Variants in ARMC12 observed in about 807,000 individuals in gnomAD.
ARMC12 encodes armadillo repeat-containing protein 12.
Under a neutral mutation model 37.4 loss-of-function variants are expected in ARMC12, and 25 were observed. That is an observed-to-expected ratio of 0.67 (90% confidence interval 0.49 to 0.93). ARMC12 has a LOEUF of 0.93. Ranked by LOEUF, ARMC12 falls within the 40% of genes least tolerant of loss-of-function variation. The probability of loss-of-function intolerance (pLI) is 0.00; values close to 1 mark genes in which losing one functional copy is unlikely to be tolerated. For synonymous variants in ARMC12, 167 were observed against 176.1 expected, an observed-to-expected ratio of 0.95 and a Z score of 0.41; for missense variants, 384 against 426.6, an observed-to-expected ratio of 0.90 and a Z score of 0.88.
At chr6:35,736,193 A>G (rs751533928), upstream of ARMC12, among the ~76,000 whole-genome samples, 26 of 152,358 alleles carry the variant, frequency 1.7e-4, no homozygotes, top group East Asian at 7.7e-4. Flanking sequence ...TCAAACAGGT[A>G]AACTTCAGGG....
intron 3 of ARMC12, among the ~76,000 whole-genome samples, chr6:35,738,839 A>G (rs1052491227): frequency 6.6e-6 from 1 of 152,142 alleles, no homozygotes; most frequent in African/African-American, 2.4e-5. Flanking sequence ...AATTCAATTC[A>G]GTTCAGACAC....
chr6:35,731,850 T>C, the ARMC12 span, among the ~76,000 whole-genome samples: 1 of 151,906 alleles, frequency 6.6e-6, no homozygotes, highest in Non-Finnish European at 1.5e-5. Flanking sequence ...TCGCTCCGCG[T>C]CCTAGGGGGC....
chr6:35,746,699 A>AAAAGGAGTGTGAGAGAAAG (rs1767347421), intron 3 of ARMC12, among the ~76,000 whole-genome samples: 1 of 152,106 alleles, frequency 6.6e-6, no homozygotes, highest in African/African-American at 2.4e-5. Flanking sequence ...GAAGGGTTGG[A>AAAAGGAGTGTGAGAGAAAG]AAAGGAGTGT....
chr6:35,736,384 G>T (rs1766961518), upstream of ARMC12, among the ~76,000 whole-genome samples: 1 of 152,180 alleles, frequency 6.6e-6, no homozygotes, highest in Admixed American at 6.5e-5. Flanking sequence ...GAAAGAAAAG[G>T]AACAGGGTTG....
intron 3 of ARMC12, among the ~76,000 whole-genome samples, chr6:35,740,364 C>T (rs867870251): frequency 1.3e-5 from 2 of 152,216 alleles, no homozygotes; most frequent in African/African-American, 4.8e-5. Flanking sequence ...TCCTGCCTCC[C>T]ACCCCTTCCT....
At chr6:35,746,072 T>TTAAAA (rs149757543) in intron 3 of ARMC12, among the ~76,000 whole-genome samples, 86,567 of 148,600 alleles carry the variant, frequency 0.58, 26,627 homozygotes, top group African/African-American at 0.8. Flanking sequence ...TAAAATTAAA[T>TTAAAA]TAAAAAACAA....
chr6:35,736,628 T>G (rs1322944243), upstream of ARMC12, among the ~76,000 whole-genome samples: 1 of 151,884 alleles, frequency 6.6e-6, no homozygotes, highest in Middle Eastern at 3.2e-3. Context: ...TTTTTTTTTT[T>G]GAAATGGAGT....
chr6:35,747,643 G>A lies in ARMC12; in HGVS notation c.686G>A (p.Cys229Tyr), dbSNP rs200749169. The change falls in exon 5 of 6, where the codon TGC (cysteine) becomes TAC (tyrosine). Residue 229 changes from cysteine to tyrosine, a missense_variant. Cys to Tyr is a radical substitution (Grantham distance 194). Transcript: ENST00000373866. The part of the protein sequence containing the change: ...KNDLLYDILN[C>Y]QVHSNFLNLF... Reference sequence around the variant, plus strand: ...GACCTTCTCTATGACATTCTCAACTGCCAGGTGAGAAAGAAATTGAAGAGG... The same window carrying A: ...GACCTTCTCTATGACATTCTCAACTACCAGGTGAGAAAGAAATTGAAGAGG... 6.8e-5 allele frequency: 110 copies of A among 1,613,896 alleles called. No individual in the cohort carries two copies. The East Asian group carries it at 2.2e-3, about 33-fold the overall frequency.
At chr6:35,743,466 C>A (rs1203568767) in intron 3 of ARMC12, among the ~76,000 whole-genome samples, 18 of 152,192 alleles carry the variant, frequency 1.2e-4, no homozygotes, top group Admixed American at 1.2e-3. Flanking sequence ...GATCTGCCCA[C>A]CTTGGCCTCC....
Position 35,748,981 on chromosome 6 carries a change from C to T in ARMC12, c.*111C>T, listed in dbSNP as rs143846655. ...GGGTGGAGATTTCATTCAGCATAAC[C>T]TCTGCTCCAGAGTGTGGTACAGCAT... is the stretch of plus-strand genomic sequence containing the variant. On this transcript the variant is annotated 3_prime_UTR_variant, in exon 6 of 6. Transcript: ENST00000373866. 1.3e-4 allele frequency: 149 copies of T among 1,120,488 alleles called. 3 individuals are homozygous for T. The East Asian group carries it at 2.8e-3, about 21-fold the overall frequency. The allele number at this position is 1,120,488 out of a possible 1,614,324, so 69.4% of individuals were successfully genotyped here.
rs544325066 is a variant in ARMC12 at position 35,738,854 on chromosome 6, C to T, written c.444+336C>T. ...AATTCAATTCAGTTCAGACACTATC[C>T]ATAGTTAGGGCAGACTTCACAGGTT... On this transcript the variant is annotated intron_variant, in intron 3 of 5. Coordinates refer to ENST00000373866, the MANE Select transcript of ARMC12 (RefSeq NM_001286574.2). Among the ~76,000 whole-genome samples, 6 of 152,254 alleles carry T rather than the reference C, an allele frequency of 3.9e-5. No individual in the cohort carries two copies. The East Asian group carries it at 1.2e-3, about 29-fold the overall frequency.
At chr6:35,747,009 G>A (rs942073044) in intron 3 of ARMC12, among the ~76,000 whole-genome samples, 4 of 132,040 alleles carry the variant, frequency 3.0e-5, no homozygotes, top group Non-Finnish European at 6.1e-5. Flanking sequence ...TGGGAGTGAG[G>A]TAGGTAGAAA....
chr6:35,733,558 G>A (rs1194980296), upstream of ARMC12, among the ~76,000 whole-genome samples: 2 of 152,208 alleles, frequency 1.3e-5, no homozygotes, highest in Non-Finnish European at 2.9e-5. Flanking sequence ...CACCAGGCTG[G>A]AGTGCAGTCG....
intron 3 of ARMC12, 24 bp downstream of exon 3, chr6:35,738,542 G>A (rs893513680): frequency 6.2e-7 from 1 of 1,613,350 alleles, no homozygotes; most frequent in Non-Finnish European, 8.5e-7. Context: ...TGCGTGGTGG[G>A]GCATGCAGGA....
upstream of ARMC12, among the ~76,000 whole-genome samples, chr6:35,732,684 G>A (rs1311583953): frequency 1.3e-5 from 2 of 152,208 alleles, no homozygotes; most frequent in African/African-American, 4.8e-5. Context: ...ACCATTGCCA[G>A]GATACTGGTA....
upstream of ARMC12, among the ~76,000 whole-genome samples, chr6:35,732,415 A>G (rs549791467): frequency 4.0e-4 from 61 of 152,326 alleles, no homozygotes; most frequent in Middle Eastern, 3.4e-3. Flanking sequence ...ACAGGAATTC[A>G]TAGACTCGCA....
intron 2 of ARMC12, 37 bp from the exon 3 acceptor site, chr6:35,738,346 GC>G: frequency 6.3e-7 from 1 of 1,595,174 alleles, no homozygotes; most frequent in Non-Finnish European, 8.5e-7. Context: ...CAGAACACCC[GC>G]TTCTCCTGCC....
upstream of ARMC12, chr6:35,735,464 G>A (rs1766936501): frequency 1.3e-5 from 2 of 152,420 alleles, no homozygotes; most frequent in Non-Finnish European, 2.9e-5. The surrounding 1 kb of genome is among the most constrained non-coding windows in gnomAD (Gnocchi z 4.0). Context: ...GCTGCCTAGG[G>A]TGTACTGGGC....
At chr6:35,737,393 T>A in intron 1 of ARMC12, 122 bp downstream of exon 1, 1 of 1,609,958 alleles carries the variant, frequency 6.2e-7, no homozygotes, top group Non-Finnish European at 8.5e-7. Flanking sequence ...CTTTCTCTTG[T>A]CCATCTTCCT....
Sources: allele counts gnomAD v4.1 joint callset (sites outside exome capture counted in the v4.1 genomes callset), GRCh38; gene constraint gnomAD v4.1.1; non-coding constraint Gnocchi (gnomAD v3.1); transcripts MANE v1.5; gene names NCBI Gene and HGNC (gene_info 2026-07-23, HGNC 2026-07-21).